The following CLVS1 variants were observed in gnomAD, a reference collection of about 807,000 sequenced individuals.
CLVS1 encodes clavesin 1.
In CLVS1, 10 loss-of-function variants were observed where a neutral mutation model predicts 33.1. The observed-to-expected ratio is 0.30, with a 90% CI of 0.19 to 0.51. CLVS1 has a LOEUF of 0.51. Ranked by LOEUF, CLVS1 falls within the 20% of genes least tolerant of loss-of-function variation. The pLI is 0.97. For synonymous variants in CLVS1, 163 were observed against 166.1 expected, an observed-to-expected ratio of 0.98 and a Z score of 0.14; for missense variants, 343 against 433.4, an observed-to-expected ratio of 0.79 and a Z score of 1.85.
intron 2 of CLVS1, among the ~76,000 whole-genome samples, chr8:61,243,245 G>T (rs1245249924): frequency 3.3e-5 from 5 of 152,168 alleles, no homozygotes; most frequent in Middle Eastern, 3.2e-3. Context: ...TATTTAACAT[G>T]ATGTTATAAG....
chr8:61,479,070 C>T (rs149210750), intron 5 of CLVS1, among the ~76,000 whole-genome samples: 1 of 152,100 alleles, frequency 6.6e-6, no homozygotes, highest in Non-Finnish European at 1.5e-5. Context: ...TTGAGTTGCT[C>T]TTCTCGTGGA....
At chr8:61,102,002 A>G (rs1407062464) in intron 1 of CLVS1, among the ~76,000 whole-genome samples, 1 of 152,134 alleles carries the variant, frequency 6.6e-6, no homozygotes, top group African/African-American at 2.4e-5. Context: ...GTAGCTTTGT[A>G]ATAAGTTTTG....
At chr8:61,314,198 C>T (rs1304722554) in intron 2 of CLVS1, among the ~76,000 whole-genome samples, 2 of 152,156 alleles carry the variant, frequency 1.3e-5, no homozygotes, top group Non-Finnish European at 2.9e-5. Flanking sequence ...GTCCCCTTTC[C>T]CTGACAGGGT....
At chr8:61,432,331 G>A (rs537907856) in intron 3 of CLVS1, among the ~76,000 whole-genome samples, 6 of 152,066 alleles carry the variant, frequency 3.9e-5, no homozygotes, top group South Asian at 4.2e-4. Flanking sequence ...CCCCAAATTC[G>A]TCTGTTGAAG....
chr8:61,045,634 C>T, the CLVS1 span, among the ~76,000 whole-genome samples: 120 of 152,284 alleles, frequency 7.9e-4, no homozygotes, highest in Middle Eastern at 3.4e-3. Flanking sequence ...TATACCTAGA[C>T]GTAGAAAACA....
chr8:61,358,312 A>G (rs1396024628), intron 2 of CLVS1, among the ~76,000 whole-genome samples: 1 of 152,162 alleles, frequency 6.6e-6, no homozygotes, highest in Non-Finnish European at 1.5e-5. Flanking sequence ...ATCAACATAT[A>G]ATTATATTGT....
At chr8:61,046,663 A>C in the CLVS1 span, among the ~76,000 whole-genome samples, 756 of 151,998 alleles carry the variant, frequency 5.0e-3, 8 homozygotes, top group African/African-American at 0.017. Context: ...CTTTTATTTC[A>C]TTGAGCAGTG....
chr8:61,025,945 A>G, the CLVS1 span, among the ~76,000 whole-genome samples: 1 of 152,246 alleles, frequency 6.6e-6, no homozygotes, highest in Non-Finnish European at 1.5e-5. Context: ...GGAGAAAAAC[A>G]GAAACAAAAT....
chr8:61,194,704 T>C (rs1211199075), intron 2 of CLVS1, among the ~76,000 whole-genome samples: 1 of 151,834 alleles, frequency 6.6e-6, no homozygotes, highest in Admixed American at 6.6e-5. Flanking sequence ...TATATATGTA[T>C]TTATGTATAT....
At chr8:61,346,787 G>A (rs966235350) in intron 2 of CLVS1, among the ~76,000 whole-genome samples, 2 of 152,156 alleles carry the variant, frequency 1.3e-5, no homozygotes, top group Non-Finnish European at 1.5e-5. Context: ...CACAAATAAT[G>A]TCTCATCTAA....
rs570953148 is a variant in CLVS1 at position 61,416,119 on chromosome 8, G to A, written c.631-38022G>A. Among the ~76,000 whole-genome samples the A allele has an allele frequency of 2.6e-5, 4 of 152,230 alleles. No individual in the cohort carries two copies. The South Asian group carries it at 8.3e-4, about 32-fold the overall frequency. The stretch of plus-strand genomic sequence containing the variant: ...TGGAGACATGTGCTTACATGACAAG[G>A]TTATGGGACTTGTAAAAGAAGAAAA... On this transcript the variant is annotated intron_variant, in intron 3 of 5. Transcript: ENST00000325897.
the CLVS1 span, chr8:60,966,430 G>A: frequency 1.1e-4 from 51 of 454,090 alleles, no homozygotes; most frequent in Admixed American, 9.5e-4. Context: ...CTGCTATGGC[G>A]GGTGGAAGCA....
At chr8:61,232,034 T>TGTTTTGTTTTG (rs1259004204) in intron 2 of CLVS1, among the ~76,000 whole-genome samples, 1 of 133,036 alleles carries the variant, frequency 7.5e-6, no homozygotes, top group Non-Finnish European at 1.5e-5. Context: ...TTTTTTTTTT[T>TGTTTTGTTTTG]TTTTTTTTTT....
At chr8:61,076,944 G>C (rs1298242091) in intron 1 of CLVS1, among the ~76,000 whole-genome samples, 1 of 152,194 alleles carries the variant, frequency 6.6e-6, no homozygotes, top group Non-Finnish European at 1.5e-5. Flanking sequence ...TGTTGCGGAT[G>C]ATCTGCGTTT....
intron 2 of CLVS1, among the ~76,000 whole-genome samples, chr8:61,165,005 T>C (rs1035961593): frequency 6.6e-6 from 1 of 152,228 alleles, no homozygotes; most frequent in Non-Finnish European, 1.5e-5. Context: ...GAATGGAATC[T>C]TGGGCCATGC....
intron 1 of CLVS1, among the ~76,000 whole-genome samples, chr8:61,069,292 A>G (rs1466944268): frequency 6.6e-6 from 1 of 152,176 alleles, no homozygotes; most frequent in African/African-American, 2.4e-5. Flanking sequence ...AATGTAGGTC[A>G]TAGGCCATTC....
chr8:61,174,726 T>A (rs1266215510), intron 2 of CLVS1, among the ~76,000 whole-genome samples: 3 of 152,200 alleles, frequency 2.0e-5, no homozygotes, highest in Non-Finnish European at 4.4e-5. Flanking sequence ...TATTTACAAG[T>A]GGAAAATTGT....
At chr8:61,044,567 C>A in the CLVS1 span, among the ~76,000 whole-genome samples, 3 of 152,172 alleles carry the variant, frequency 2.0e-5, no homozygotes, top group Non-Finnish European at 4.4e-5. Context: ...CATCTCACAC[C>A]TATTGCCACA....
chr8:61,493,473 A>T (rs1325093557), intron 5 of CLVS1, among the ~76,000 whole-genome samples: 1 of 152,174 alleles, frequency 6.6e-6, no homozygotes, highest in Non-Finnish European at 1.5e-5. Context: ...AATCCTCATC[A>T]TCCCCAGCAC....
Sources: allele counts gnomAD v4.1 joint callset (sites outside exome capture counted in the v4.1 genomes callset), GRCh38; gene constraint gnomAD v4.1.1; transcripts MANE v1.5; gene names NCBI Gene and HGNC (gene_info 2026-07-23, HGNC 2026-07-21).